UBR2: variants seen among roughly 807,000 people sequenced by gnomAD.
UBR2 encodes the protein ubiquitin protein ligase E3 component n-recognin 2.
UBR2 carries 92 observed loss-of-function variants against 247.9 expected under a neutral mutation model. That is an observed-to-expected ratio of 0.37 (90% CI 0.31 to 0.44). The LOEUF (loss-of-function observed/expected upper bound fraction) is 0.44, where lower values mean the gene tolerates loss of function less well. Among genes scored for constraint, UBR2 ranks in the 20% least tolerant of loss-of-function variants. The pLI is 1.00. For synonymous variants in UBR2, 672 were observed against 693.5 expected (o/e 0.97, Z 0.49); for missense variants, 1,613 against 2,112.6 (o/e 0.76, Z 4.64).
intron 43 of UBR2, 64 bp downstream of exon 43, chr6:42,683,175 G>A: frequency 7.4e-7 from 1 of 1,354,532 alleles, no homozygotes; most frequent in Non-Finnish European, 1.0e-6. Context: ...GGATATAAGT[G>A]CTATATTCCT....
At chr6:42,613,506 G>A (rs778646012) in intron 8 of UBR2, among the ~76,000 whole-genome samples, 16 of 152,182 alleles carry the variant, frequency 1.1e-4, no homozygotes, top group Non-Finnish European at 2.2e-4. Flanking sequence ...ACGATCCCTC[G>A]AGCCCAGGAG....
intron 1 of UBR2, among the ~76,000 whole-genome samples, chr6:42,568,776 T>C (rs1790935291): frequency 1.3e-5 from 2 of 152,228 alleles, no homozygotes; most frequent in South Asian, 2.1e-4. Flanking sequence ...TTGTACCATG[T>C]ACAGGTTGAG....
At chr6:42,586,558 T>TTTG (rs1491384679) in intron 2 of UBR2, among the ~76,000 whole-genome samples, 3 of 109,398 alleles carry the variant, frequency 2.7e-5, no homozygotes, top group African/African-American at 3.5e-5. Context: ...TTTTTTTTTT[T>TTTG]GTTCCTCTGT....
chr6:42,678,427 T>C, intron 40 of UBR2, 112 bp from the exon 41 acceptor site: 1 of 1,238,554 alleles, frequency 8.1e-7, no homozygotes, highest in Non-Finnish European at 1.1e-6. Context: ...AACTCACAAC[T>C]TTTAAGCATA....
At chr6:42,650,443 A>G (rs1797048175) in intron 23 of UBR2, 57 bp downstream of exon 23, 4 of 1,450,786 alleles carry the variant, frequency 2.8e-6, no homozygotes, top group Non-Finnish European at 3.8e-6. Flanking sequence ...TTCTTAAGAG[A>G]TGAGGTTTCA....
In UBR2 at chr6:42,594,171, C is replaced by G. The variant is rs757430415; in HGVS notation, c.418-20C>G. Reference sequence around the variant, plus strand: ...TCAGTAAATATTTATTGACAAGATACTTTACAATTTTTTTCCAAGATGACA... The same window carrying G: ...TCAGTAAATATTTATTGACAAGATAGTTTACAATTTTTTTCCAAGATGACA... On this transcript the variant is annotated intron_variant, in intron 3 of 46. Coordinates refer to ENST00000372901, the MANE Select transcript of UBR2 (RefSeq NM_001363705.2). 3 of 1,578,498 alleles carry G rather than the reference C, an allele frequency of 1.9e-6. No individual in the cohort carries two copies. The highest frequency in any genetic ancestry group is 2.6e-6 in the Non-Finnish European group (3 of 1,150,592).
At chr6:42,658,502 A>G in intron 28 of UBR2, 144 bp from the exon 29 acceptor site, 1 of 1,099,106 alleles carries the variant, frequency 9.1e-7, no homozygotes. Context: ...AAAACAAGTC[A>G]GTTTAAGAGT....
At chr6:42,685,831 C>A (rs2207260) in intron 44 of UBR2, among the ~76,000 whole-genome samples, 1 of 151,340 alleles carries the variant, frequency 6.6e-6, no homozygotes, top group East Asian at 1.9e-4. Context: ...TAGTCATGAT[C>A]GTGCCACTGC....
intron 34 of UBR2, among the ~76,000 whole-genome samples, chr6:42,668,175 C>T (rs867204102): frequency 3.3e-5 from 5 of 152,186 alleles, no homozygotes; most frequent in Non-Finnish European, 5.9e-5. Context: ...GCTGTCACTT[C>T]TCTTGGCCCT....
In UBR2 at chr6:42,668,166, C is replaced by T. The variant is rs528734451; in HGVS notation, c.3881+1921C>T. 1.5e-4 allele frequency among the ~76,000 whole-genome samples: 23 copies of T among 152,300 alleles called. No homozygotes were observed. The South Asian group carries it at 4.6e-3, about 30-fold the overall frequency. ...CTCCTACAGTCAGGAGGGGGCACAG[C>T]TGTCACTTCTCTTGGCCCTGCTCCT... On this transcript the variant is annotated intron_variant, in intron 34 of 46. Coordinates refer to ENST00000372901, the MANE Select transcript of UBR2 (RefSeq NM_001363705.2).
Position 42,666,117 on chromosome 6 carries a change from A to T in UBR2, c.3803-50A>T, listed in dbSNP as rs751731384. 16 of 1,491,534 alleles carry T rather than the reference A, an allele frequency of 1.1e-5. No homozygotes were observed. In the East Asian group the frequency reaches 3.7e-4, roughly 34 times the overall value. The allele number at this position is 1,491,534 out of a possible 1,614,324, so 92.4% of individuals were successfully genotyped here. The stretch of plus-strand genomic sequence containing the variant: ...CTTTGACCTATATGGCTGTACTTTT[A>T]GGAATATTGTCATCTATTGAATAAT... On this transcript the variant is annotated intron_variant, in intron 33 of 46. Coordinates refer to ENST00000372901, the MANE Select transcript of UBR2 (RefSeq NM_001363705.2).
intron 36 of UBR2, among the ~76,000 whole-genome samples, chr6:42,672,284 C>T (rs140632209): frequency 9.2e-5 from 14 of 152,194 alleles, no homozygotes; most frequent in African/African-American, 2.6e-4. Flanking sequence ...CTGCCCATCT[C>T]GGCCTCCCAA....
rs190279001 is a variant in UBR2 at position 42,580,592 on chromosome 6, T to G, written c.338+6599T>G. ...TCTCATGCTGTTGCCCAGGCTGGAG[T>G]GCAGGGGCACGATCTTGGCTCACTG... On this transcript the variant is annotated intron_variant, in intron 2 of 46. Coordinates refer to ENST00000372901, the MANE Select transcript of UBR2 (RefSeq NM_001363705.2). 1.4e-3 allele frequency among the ~76,000 whole-genome samples: 207 copies of G among 152,152 alleles called. 2 individuals carry two copies. The East Asian group carries it at 0.015, about 11-fold the overall frequency.
rs1249311833 is a variant in UBR2, at chr6:42,662,230, A to G, written c.3489A>G (p.Thr1163=). 1 of 1,612,330 alleles carries G rather than the reference A, an allele frequency of 6.2e-7. No individual in the cohort carries two copies. The highest frequency in any genetic ancestry group is 2.2e-5 in the East Asian group (1 of 44,780). Residue 1163 remains threonine, a synonymous_variant, in exon 31 of 47, where the codon ACA becomes ACG. Coordinates refer to ENST00000372901, the MANE Select transcript of UBR2 (RefSeq NM_001363705.2). The part of the protein sequence containing the change: ...LFMHPDLSCG[T]HTSSCGHIMH... ...TGCACCCTGATCTGTCTTGTGGAAC[A>G]CACACTAGTAGCTGTGGGCACATTA...
At chr6:42,572,757 G>A (rs760952232) in intron 1 of UBR2, among the ~76,000 whole-genome samples, 2 of 149,916 alleles carry the variant, frequency 1.3e-5, no homozygotes, top group Admixed American at 6.7e-5. Flanking sequence ...TTGCTCTGTC[G>A]CCCAGGCTGG....
intron 13 of UBR2, among the ~76,000 whole-genome samples, chr6:42,633,261 T>C (rs1398594373): frequency 6.6e-6 from 1 of 152,128 alleles, no homozygotes; most frequent in East Asian, 1.9e-4. Context: ...AAAGATCAAT[T>C]TGGATGGCTG....
intron 11 of UBR2, among the ~76,000 whole-genome samples, chr6:42,622,802 C>G (rs1162005385): frequency 1.3e-5 from 2 of 151,494 alleles, no homozygotes; most frequent in East Asian, 3.9e-4. Flanking sequence ...ATGTATCCAG[C>G]CACTTTTTCC....
chr6:42,565,293 A>T (rs1790715739), intron 1 of UBR2, among the ~76,000 whole-genome samples: 1 of 152,204 alleles, frequency 6.6e-6, no homozygotes. Context: ...ATGGACCAAG[A>T]CAGCTTGGGC....
At chr6:42,598,040 A>G (rs993584371) in intron 4 of UBR2, among the ~76,000 whole-genome samples, 1 of 152,160 alleles carries the variant, frequency 6.6e-6, no homozygotes, top group Non-Finnish European at 1.5e-5. Context: ...ACATCTTCCG[A>G]AAAAGCTGGG....
Sources: gnomAD v4.1 joint callset for allele counts (sites outside exome capture counted in the v4.1 genomes callset) on GRCh38, gnomAD v4.1.1 for gene constraint, MANE v1.5 for transcripts, NCBI Gene and HGNC (gene_info 2026-07-23, HGNC 2026-07-21) for gene names.